The following CADM2 variants were observed in gnomAD, a reference collection of about 807,000 sequenced individuals.
The protein encoded by CADM2 is cell adhesion molecule 2.
A neutral mutation model predicts 49.8 loss-of-function variants in CADM2; 12 were observed. That is an observed-to-expected ratio of 0.24 (90% CI 0.15 to 0.39). The LOEUF (loss-of-function observed/expected upper bound fraction) is 0.39. Ranked by LOEUF, CADM2 falls within the 10% of genes least tolerant of loss-of-function variation. The pLI, the probability that CADM2 is intolerant of heterozygous loss-of-function variation, is 1.00. For missense variants in CADM2, 378 were observed against 492.3 expected (o/e 0.77, Z 2.20); for synonymous variants, 214 against 175.4 (o/e 1.22, Z -1.74).
chr3:85,646,665 A>T (rs2064894806), intron 1 of CADM2, among the ~76,000 whole-genome samples: 1 of 151,992 alleles, frequency 6.6e-6, no homozygotes, highest in Admixed American at 6.6e-5. Flanking sequence ...GCACGATGAC[A>T]TATTGTAGAG....
In CADM2 at chr3:85,155,531, C is replaced by T. The variant is rs1225760786; in HGVS notation, c.61+195863C>T. Among the ~76,000 whole-genome samples the T allele has an allele frequency of 1.8e-4, 27 of 152,082 alleles. 1 individual carries two copies. The highest frequency in any genetic ancestry group is 2.6e-4 in the Admixed American group (4 of 15,280). On this transcript the variant is annotated intron_variant, in intron 1 of 9. Transcript: ENST00000383699. ...CCACTGTCAACATTAGACAGATCAA[C>T]GAGACAGAAAGTCAACAAGGATACC...
chr3:85,922,832 T>TA (rs956620074), intron 6 of CADM2, among the ~76,000 whole-genome samples: 1 of 151,722 alleles, frequency 6.6e-6, no homozygotes, highest in Non-Finnish European at 1.5e-5. Flanking sequence ...TTTGTTGTTT[T>TA]TTTTTTTGAG....
chr3:85,262,646 AAACTCAGAGAGTGAAAT>A (rs1384883235), intron 1 of CADM2, among the ~76,000 whole-genome samples: 2 of 152,180 alleles, frequency 1.3e-5, no homozygotes, highest in African/African-American at 4.8e-5. Flanking sequence ...GTAGAAATTG[AAACTCAGAGAGTGAAAT>A]AACTTATCAT....
chr3:85,975,834 A>G (rs1458839389), intron 8 of CADM2, among the ~76,000 whole-genome samples: 1 of 151,528 alleles, frequency 6.6e-6, no homozygotes, highest in Non-Finnish European at 1.5e-5. Context: ...GATGGTTATC[A>G]TTTCTAAATT....
chr3:85,787,873 G>A (rs893873214), intron 2 of CADM2, among the ~76,000 whole-genome samples: 1 of 151,978 alleles, frequency 6.6e-6, no homozygotes, highest in Non-Finnish European at 1.5e-5. Context: ...GTTGTCTGTT[G>A]TGTGCCAGTC....
At chr3:85,849,975 A>T (rs1035540723) in intron 3 of CADM2, among the ~76,000 whole-genome samples, 3 of 152,216 alleles carry the variant, frequency 2.0e-5, no homozygotes, top group African/African-American at 7.2e-5. Context: ...TTAATTCAGG[A>T]TACCGTAAAG....
chr3:86,063,676 T>C (rs953707127), intron 8 of CADM2, among the ~76,000 whole-genome samples: 1 of 152,210 alleles, frequency 6.6e-6, no homozygotes, highest in Non-Finnish European at 1.5e-5. Flanking sequence ...TATCTAGACA[T>C]ATGATCCTTT....
At chr3:85,898,611 C>G (rs1715607308) in intron 5 of CADM2, among the ~76,000 whole-genome samples, 2 of 150,184 alleles carry the variant, frequency 1.3e-5, no homozygotes, top group Admixed American at 1.3e-4. Context: ...GTATTTGAGA[C>G]TCATTCATGT....
chr3:85,598,855 G>GTA (rs548323149), intron 1 of CADM2, among the ~76,000 whole-genome samples: 6,918 of 46,172 alleles, frequency 0.15, 484 homozygotes, highest in East Asian at 0.44. Context: ...GTGTGTGTGT[G>GTA]TATATATATA....
chr3:85,693,924 A>T (rs1266368812), intron 1 of CADM2, among the ~76,000 whole-genome samples: 1 of 151,472 alleles, frequency 6.6e-6, no homozygotes, highest in Non-Finnish European at 1.5e-5. Flanking sequence ...AGAAAAAAAA[A>T]AGAAAAGAAA....
chr3:85,256,456 C>T (rs541164774), intron 1 of CADM2, among the ~76,000 whole-genome samples: 3 of 152,016 alleles, frequency 2.0e-5, no homozygotes, highest in Admixed American at 6.6e-5. Flanking sequence ...CTAAGTGCTC[C>T]TATTCAAAAA....
chr3:85,312,132 C>T (rs1023008986), intron 1 of CADM2, among the ~76,000 whole-genome samples: 1 of 152,004 alleles, frequency 6.6e-6, no homozygotes, highest in African/African-American at 2.4e-5. Flanking sequence ...TCTCTCTGAC[C>T]TTCAGCTTTG....
At chr3:85,150,185 G>A (rs1418518071) in intron 1 of CADM2, among the ~76,000 whole-genome samples, 1 of 152,100 alleles carries the variant, frequency 6.6e-6, no homozygotes. Context: ...AAGCTGAAAG[G>A]TTTTAGAGGA....
At chr3:85,893,232 C>T (rs1714711506) in intron 5 of CADM2, among the ~76,000 whole-genome samples, 1 of 151,998 alleles carries the variant, frequency 6.6e-6, no homozygotes, top group Non-Finnish European at 1.5e-5. Flanking sequence ...AAAGAAAACC[C>T]CATTTTCTGG....
intron 8 of CADM2, among the ~76,000 whole-genome samples, chr3:86,045,863 C>T (rs1323660924): frequency 1.3e-5 from 2 of 152,186 alleles, no homozygotes; most frequent in African/African-American, 4.8e-5. Context: ...TTCTCATCCT[C>T]ATTTTACACT....
At chr3:85,894,291 G>C (rs1414180045) in intron 5 of CADM2, among the ~76,000 whole-genome samples, 1 of 152,082 alleles carries the variant, frequency 6.6e-6, no homozygotes, top group Non-Finnish European at 1.5e-5. Flanking sequence ...TGTGGGAATT[G>C]AGCAATGAGA....
At chr3:85,336,255 C>A (rs2045075828) in intron 1 of CADM2, among the ~76,000 whole-genome samples, 1 of 151,416 alleles carries the variant, frequency 6.6e-6, no homozygotes, top group Non-Finnish European at 1.5e-5. Context: ...CTTTCAATCC[C>A]ATCTCTTGAT....
chr3:85,220,063 T>C (rs2042012746), intron 1 of CADM2, among the ~76,000 whole-genome samples: 1 of 152,176 alleles, frequency 6.6e-6, no homozygotes. Context: ...AATGGGTTTT[T>C]AATATGTGCT....
rs559755886 is a variant in CADM2 at position 85,612,813 on chromosome 3, G to A, written c.62-113709G>A. ...ATAGCTGTGTTGGCAGCAAATTTTT[G>A]TTATTACCATGATAGTTAAATCAGT... On this transcript the variant is annotated intron_variant, in intron 1 of 9. Coordinates refer to ENST00000383699, the MANE Select transcript of CADM2 (RefSeq NM_001167675.2). 1.7e-3 allele frequency among the ~76,000 whole-genome samples: 265 copies of A among 151,636 alleles called. 1 individual carries two copies. Among genetic ancestry groups the A allele is most frequent in the Non-Finnish European group, 3.7e-3 (248 of 67,696 alleles).
Sources: gnomAD v4.1 joint callset for allele counts (sites outside exome capture counted in the v4.1 genomes callset) on GRCh38, gnomAD v4.1.1 for gene constraint, MANE v1.5 for transcripts, NCBI Gene and HGNC (gene_info 2026-07-23, HGNC 2026-07-21) for gene names.